MYOCD: variants seen among roughly 807,000 people sequenced by gnomAD.
The protein encoded by MYOCD is myocardin.
Under a neutral mutation model 96.1 loss-of-function variants are expected in MYOCD, and 32 were observed. The ratio of observed to expected loss-of-function variants is 0.33; its 90% confidence interval spans 0.25 to 0.45. MYOCD has a LOEUF of 0.45. MYOCD is among the 20% of genes least tolerant of loss of function. MYOCD has a pLI of 1.00. For missense variants in MYOCD, 1,133 were observed against 1,200.6 expected (o/e 0.94, Z 0.83); for synonymous variants, 469 against 469.0 (o/e 1.00, Z 0.00).
chr17:12,690,671 A>G (rs1169588550), intron 1 of MYOCD, among the ~76,000 whole-genome samples: 1 of 152,136 alleles, frequency 6.6e-6, no homozygotes, highest in Non-Finnish European at 1.5e-5. Flanking sequence ...ATTTCCTGGA[A>G]TGTTTGTGAA....
intron 1 of MYOCD, among the ~76,000 whole-genome samples, chr17:12,667,856 C>A (rs1028011415): frequency 1.3e-5 from 2 of 152,074 alleles, no homozygotes; most frequent in Admixed American, 1.3e-4. Context: ...AGAATTCCAG[C>A]CTCACTTTTT....
chr17:12,734,891 T>A (rs563482585), intron 5 of MYOCD, among the ~76,000 whole-genome samples: 1 of 114,748 alleles, frequency 8.7e-6, no homozygotes, highest in Non-Finnish European at 2.0e-5. Context: ...TAATGACTTT[T>A]ATAAATAACC....
At chr17:12,717,268 A>C (rs1375360634) in intron 3 of MYOCD, 78 bp from the exon 4 acceptor site, 7 of 995,572 alleles carry the variant, frequency 7.0e-6, no homozygotes, top group Non-Finnish European at 1.1e-5. Context: ...TTATTTTAAA[A>C]GGTTATTTTC....
At chr17:12,695,672 T>C (rs1052089740) in intron 1 of MYOCD, among the ~76,000 whole-genome samples, 22 of 152,316 alleles carry the variant, frequency 1.4e-4, no homozygotes, top group African/African-American at 4.8e-4. Flanking sequence ...ATAGGAAAGA[T>C]ACTATTTTTT....
chr17:12,670,058 C>T (rs1909608276), intron 1 of MYOCD, among the ~76,000 whole-genome samples: 1 of 152,110 alleles, frequency 6.6e-6, no homozygotes, highest in Non-Finnish European at 1.5e-5. Context: ...TGAGGAAGAA[C>T]ATGGGAGCTT....
At chr17:12,669,816 C>T (rs1275863743) in intron 1 of MYOCD, among the ~76,000 whole-genome samples, 1 of 152,126 alleles carries the variant, frequency 6.6e-6, no homozygotes, top group Non-Finnish European at 1.5e-5. Context: ...GACAGGGTTT[C>T]ACCATGTTGG....
At chr17:12,683,022 A>T (rs1306763932) in intron 1 of MYOCD, among the ~76,000 whole-genome samples, 2 of 152,218 alleles carry the variant, frequency 1.3e-5, no homozygotes, top group Non-Finnish European at 2.9e-5. Context: ...GGACTGTATT[A>T]GCGACTTGGG....
rs2033298309 is a variant in MYOCD, at chr17:12,765,045, G to C, written c.*1401G>C. 6.6e-6 allele frequency: 1 copy of C among 152,222 alleles called. No homozygotes were observed. 9.4% of individuals were successfully genotyped at this position (152,222 alleles called of 1,614,324 possible). ...AGACAAATATGGATGATATTTACAA[G>C]AGAGAATTTCAGATCTGGGTTTTTG... On this transcript the variant is annotated 3_prime_UTR_variant, in exon 14 of 14. Transcript: ENST00000425538.
chr17:12,717,224 G>A, intron 3 of MYOCD, 122 bp from the exon 4 acceptor site: 1 of 694,836 alleles, frequency 1.4e-6, no homozygotes, highest in Middle Eastern at 2.8e-4. Flanking sequence ...TCATCAAAAT[G>A]TGGGACACCA....
intron 1 of MYOCD, among the ~76,000 whole-genome samples, chr17:12,690,101 A>ATT (rs2030365803): frequency 6.6e-6 from 1 of 152,172 alleles, no homozygotes; most frequent in Non-Finnish European, 1.5e-5. Flanking sequence ...AAACCAATGG[A>ATT]AATTCACAAC....
intron 2 of MYOCD, among the ~76,000 whole-genome samples, chr17:12,712,625 A>G (rs952159814): frequency 6.6e-6 from 1 of 152,188 alleles, no homozygotes; most frequent in African/African-American, 2.4e-5. Context: ...GCTGACCCAA[A>G]TTAGCGATAG....
rs1182706011 is a variant in MYOCD at position 12,756,460 on chromosome 17, C to T, written c.2105C>T (p.Ser702Phe). The T allele has an allele frequency of 3.2e-6, 5 of 1,552,006 alleles. No individual in the cohort carries two copies. The highest frequency in any genetic ancestry group is 2.0e-5 in the Admixed American group (1 of 50,966). Residue 702 changes from serine (S) to phenylalanine (F), a missense_variant, in exon 11 of 14, where the codon TCT becomes TTT. By Grantham distance (155) the Ser-to-Phe change is radical. Coordinates refer to ENST00000425538, the MANE Select transcript of MYOCD (RefSeq NM_001146312.3). ...DGHPPSFSPH[S>F]SSLHPPFSGA... ...CATCCTCCAAGCTTCTCTCCCCATT[C>T]TTCCAGCCTCCACCCGCCCTTCTCT...
chr17:12,722,742 A>G (rs2031877259), intron 4 of MYOCD, 105 bp from the exon 5 acceptor site: 1 of 896,510 alleles, frequency 1.1e-6, no homozygotes, highest in East Asian at 2.5e-5. Context: ...AGGATGGTAG[A>G]GCACAATGTG....
At chr17:12,732,235 A>G (rs1023220246) in intron 5 of MYOCD, among the ~76,000 whole-genome samples, 3 of 152,120 alleles carry the variant, frequency 2.0e-5, no homozygotes, top group African/African-American at 7.2e-5. Context: ...ATGTCTCTCC[A>G]GGGGTTGGCT....
At chr17:12,688,158 AC>A (rs1328946894) in intron 1 of MYOCD, among the ~76,000 whole-genome samples, 1 of 152,228 alleles carries the variant, frequency 6.6e-6, no homozygotes, top group Admixed American at 6.5e-5. Context: ...AGTCTCCTAC[AC>A]CCAGTGGAGG....
In MYOCD at chr17:12,760,688, C is replaced by T. The variant is rs150477198; in HGVS notation, c.2370C>T (p.Asp790=). ...GTCAGCAGATGGATGAACTCCTGGA[C>T]GTGCTTATTGAAAGCGGAGGTAAGA... is the stretch of plus-strand genomic sequence containing the variant. ...TRSQQMDELL[D]VLIESGEMPA... Residue 790 remains aspartate, a synonymous_variant, in exon 13 of 14, where the codon GAC becomes GAT. Transcript: ENST00000425538. The T allele has an allele frequency of 2.3e-4, 369 of 1,613,890 alleles. No homozygotes were observed. The African/African-American group carries it at 2.4e-3, about 11-fold the overall frequency.
At chr17:12,719,932 T>G (rs1202661586) in intron 4 of MYOCD, among the ~76,000 whole-genome samples, 1 of 151,604 alleles carries the variant, frequency 6.6e-6, no homozygotes, top group South Asian at 2.1e-4. Flanking sequence ...GGTGGAATTT[T>G]CCTTTAATAA....
chr17:12,683,164 G>A (rs1167426121), intron 1 of MYOCD, among the ~76,000 whole-genome samples: 1 of 152,026 alleles, frequency 6.6e-6, no homozygotes, highest in Non-Finnish European at 1.5e-5. Flanking sequence ...GGCCACCTCC[G>A]ACTGCTATTG....
In MYOCD at chr17:12,752,703, C is replaced by T. The variant is rs149968263; in HGVS notation, c.1415C>T (p.Pro472Leu). 204 of 1,614,190 alleles carry T rather than the reference C, an allele frequency of 1.3e-4. 1 individual carries two copies. In the East Asian group the frequency reaches 4.0e-3, roughly 32 times the overall value. ...SSDLSVAGSL[P>L]DTFNDASPSF... ...GACCTGTCAGTCGCTGGGTCCCTGC[C>T]GGACACCTTCAATGATGCCTCCCCC... Residue 472 changes from proline to leucine, a missense_variant, in exon 10 of 14, where the codon CCG becomes CTG. By Grantham distance (98) the Pro-to-Leu change is moderately conservative (BLOSUM62 -3). Coordinates refer to ENST00000425538, the MANE Select transcript of MYOCD (RefSeq NM_001146312.3).
Sources: gnomAD v4.1 joint callset for allele counts (sites outside exome capture counted in the v4.1 genomes callset) on GRCh38, gnomAD v4.1.1 for gene constraint, MANE v1.5 for transcripts, NCBI Gene and HGNC (gene_info 2026-07-23, HGNC 2026-07-21) for gene names.